Variants in ENPP3 observed in about 807,000 individuals in gnomAD.
ENPP3 encodes the protein ectonucleotide pyrophosphatase/phosphodiesterase 3, also known as ectonucleotide pyrophosphatase/phosphodiesterase family member 3.
Under a neutral mutation model 117.8 loss-of-function variants are expected in ENPP3, and 104 were observed. That is an observed-to-expected ratio of 0.88 (90% confidence interval 0.75 to 1.04). The LOEUF (loss-of-function observed/expected upper bound fraction) is 1.04, where lower values mean the gene tolerates loss of function less well. ENPP3 is among the 50% of genes least tolerant of loss of function. The probability of loss-of-function intolerance (pLI) is 0.00; values close to 1 mark genes in which losing one functional copy is unlikely to be tolerated. For missense variants in ENPP3, 1,026 were observed against 1,051.9 expected (o/e 0.98, Z 0.34); for synonymous variants, 380 against 349.9 (o/e 1.09, Z -0.96).
At position 131,646,711 on chromosome 6, in the gene ENPP3, C is replaced by A. The variant is rs543221830; in HGVS notation, c.155-3316C>A. On this transcript the variant is annotated intron_variant, in intron 2 of 24. Transcript: ENST00000357639. ...TTCTTACCTAACGACACCCTGGGAC[C>A]TCCCTTCTAGGGTCCTAGGGGAAAG... Among the ~76,000 whole-genome samples, 9 of 150,054 alleles carry A rather than the reference C, an allele frequency of 6.0e-5. No homozygotes were observed. In the East Asian group the frequency reaches 1.8e-3, roughly 29 times the overall value.
chr6:131,667,134 T>A (rs1046242432), intron 6 of ENPP3, among the ~76,000 whole-genome samples: 3 of 151,388 alleles, frequency 2.0e-5, no homozygotes, highest in African/African-American at 7.4e-5. Flanking sequence ...TCGTGGGGCT[T>A]TTTTTTTCTT....
chr6:131,667,724 G>A (rs1299040382), intron 6 of ENPP3, among the ~76,000 whole-genome samples: 1 of 152,198 alleles, frequency 6.6e-6, no homozygotes, highest in Non-Finnish European at 1.5e-5. Context: ...TGTTATACTT[G>A]CCTGGTAAGC....
intron 6 of ENPP3, among the ~76,000 whole-genome samples, chr6:131,670,762 G>T (rs2114373339): frequency 6.6e-6 from 1 of 152,306 alleles, no homozygotes; most frequent in Admixed American, 6.5e-5. Flanking sequence ...AAAGTGCTGA[G>T]ATTACAGGTG....
chr6:131,726,280 T>C, intron 20 of ENPP3, 80 bp downstream of exon 20: 1 of 1,339,416 alleles, frequency 7.5e-7, no homozygotes, highest in South Asian at 1.3e-5. Context: ...AATTTTGTTT[T>C]GCAGCAGAGA....
At chr6:131,743,393 T>C (rs1486396014) in intron 24 of ENPP3, among the ~76,000 whole-genome samples, 1 of 152,156 alleles carries the variant, frequency 6.6e-6, no homozygotes, top group Non-Finnish European at 1.5e-5. Context: ...TCATCTATTA[T>C]ATCTAATAAG....
At position 131,643,942 on chromosome 6, in the gene ENPP3, T is replaced by A. The variant is rs992141079; in HGVS notation, c.154+2412T>A. On this transcript the variant is annotated intron_variant, in intron 2 of 24. Transcript: ENST00000357639. ...GGTCGTCTGTGTGTGTGTGTGTGTG[T>A]CTGTGTGTGTGTGTGTGTGTGTGTG... Among the ~76,000 whole-genome samples, 11 of 138,512 alleles carry A rather than the reference T, an allele frequency of 7.9e-5. No individual in the cohort carries two copies. In the East Asian group the frequency reaches 8.1e-4, roughly 10 times the overall value. The allele number at this position is 138,512 out of a possible 152,430, so 90.9% of individuals were successfully genotyped here.
At chr6:131,689,662 T>G (rs1427111226) in intron 14 of ENPP3, among the ~76,000 whole-genome samples, 1 of 152,200 alleles carries the variant, frequency 6.6e-6, no homozygotes, top group Non-Finnish European at 1.5e-5. Context: ...AGGCCATGGA[T>G]CAAGGAGCAA....
chr6:131,642,274 C>G (rs1292075557), intron 2 of ENPP3, among the ~76,000 whole-genome samples: 1 of 152,064 alleles, frequency 6.6e-6, no homozygotes, highest in Non-Finnish European at 1.5e-5. Flanking sequence ...TAGAGTTGTT[C>G]TACCCCTAAA....
At position 131,677,490 on chromosome 6, in the gene ENPP3, C is replaced by T. The variant is rs115815018; in HGVS notation, c.939-378C>T. Among the ~76,000 whole-genome samples, 807 of 152,158 alleles carry T rather than the reference C, an allele frequency of 5.3e-3. 5 individuals are homozygous for T. The highest frequency in any genetic ancestry group is 0.019 in the African/African-American group (769 of 41,510). ...AGTGAGGGAAGGCTAATCAGGAGCT[C>T]CAGGTAAACAGTGCATCAGAAACCA... is the stretch of plus-strand genomic sequence containing the variant. On this transcript the variant is annotated intron_variant, in intron 10 of 24. Transcript: ENST00000357639.
At position 131,675,169 on chromosome 6, in the gene ENPP3, C is replaced by G; in HGVS notation, c.852C>G (p.Ser284=). The G allele has an allele frequency of 6.2e-7, 1 of 1,603,358 alleles. No homozygotes were observed. The highest frequency in any genetic ancestry group is 8.5e-7 in the Non-Finnish European group (1 of 1,170,330). ...SEVAINGSFP[S]IYMPYNGSVP... Reference sequence around the variant, plus strand: ...TGGCTATAAATGGCTCCTTTCCTTCCATATACATGCCTTACAACGGGTAGT... The same window carrying G: ...TGGCTATAAATGGCTCCTTTCCTTCGATATACATGCCTTACAACGGGTAGT... Residue 284 remains serine (S), a synonymous_variant, in exon 9 of 25, where the codon TCC becomes TCG. Coordinates refer to ENST00000357639, the MANE Select transcript of ENPP3 (RefSeq NM_005021.5).
intron 15 of ENPP3, among the ~76,000 whole-genome samples, chr6:131,717,349 GGGGTGTGTGTGTGTGTGTGTGTGTGT>G (rs1183035007): frequency 2.4e-5 from 3 of 127,028 alleles, no homozygotes; most frequent in East Asian, 2.2e-4. Flanking sequence ...AACCCTGCGG[GGGGTGTGTGTGTGTGTGTGTGTGTGT>G]GTGTGTGTGT....
At position 131,734,242 on chromosome 6, in the gene ENPP3, C is replaced by T. The variant is rs77882982; in HGVS notation, c.2089+519C>T. Reference sequence around the variant, plus strand: ...CTGTAGGGCTAACAGTTTTAAACTGCAGGTGAAGTAGCCAAATGAAATTTA... The same window carrying T: ...CTGTAGGGCTAACAGTTTTAAACTGTAGGTGAAGTAGCCAAATGAAATTTA... On this transcript the variant is annotated intron_variant, in intron 21 of 24. Transcript: ENST00000357639. Among the ~76,000 whole-genome samples, 983 of 152,278 alleles carry T rather than the reference C, an allele frequency of 6.5e-3. 6 individuals carry two copies. Among genetic ancestry groups the T allele is most frequent in the African/African-American group, 0.022 (920 of 41,558 alleles).
chr6:131,674,057 A>G (rs1389649870), intron 7 of ENPP3, 105 bp from the exon 8 acceptor site: 10 of 682,962 alleles, frequency 1.5e-5, no homozygotes, highest in Admixed American at 2.7e-5. Flanking sequence ...TGAAAGGTAT[A>G]TAGTACCTTT....
At chr6:131,709,648 G>A in intron 15 of ENPP3, 3 of 1,611,928 alleles carry the variant, frequency 1.9e-6, no homozygotes, top group Non-Finnish European at 2.5e-6. Flanking sequence ...TTTCTCGTAG[G>A]AAATAACCTG....
rs531452663 is a variant in ENPP3 at position 131,680,816 on chromosome 6, G to A, written c.1012-2238G>A. On this transcript the variant is annotated intron_variant, in intron 11 of 24. Coordinates refer to ENST00000357639, the MANE Select transcript of ENPP3 (RefSeq NM_005021.5). The stretch of plus-strand genomic sequence containing the variant: ...ATTTCTTGTTTCTTTCCTTTGGTTG[G>A]GTGAGAGTTGGGAACTGGCATTTCA... Among the ~76,000 whole-genome samples the A allele has an allele frequency of 3.3e-5, 5 of 152,248 alleles. 1 individual carries two copies. The South Asian group carries it at 1.0e-3, about 32-fold the overall frequency.
intron 23 of ENPP3, among the ~76,000 whole-genome samples, chr6:131,738,446 A>T (rs995832311): frequency 6.6e-6 from 1 of 152,130 alleles, no homozygotes; most frequent in Non-Finnish European, 1.5e-5. Flanking sequence ...GTAAAGGCTA[A>T]GGAGGTAGAC....
intron 18 of ENPP3, among the ~76,000 whole-genome samples, chr6:131,723,762 TC>T (rs1336516719): frequency 6.6e-6 from 1 of 151,398 alleles, no homozygotes; most frequent in African/African-American, 2.4e-5. Flanking sequence ...CCAGCAGTAA[TC>T]AGAATGCTTT....
chr6:131,651,065 G>A (rs1008161960), intron 3 of ENPP3, among the ~76,000 whole-genome samples: 9 of 152,188 alleles, frequency 5.9e-5, no homozygotes, highest in Admixed American at 5.9e-4. Flanking sequence ...GACTACAGGA[G>A]TGCACTACCA....
At chr6:131,731,285 T>C (rs1780274474) in intron 20 of ENPP3, among the ~76,000 whole-genome samples, 1 of 152,216 alleles carries the variant, frequency 6.6e-6, no homozygotes, top group African/African-American at 2.4e-5. Flanking sequence ...CTAAACTATA[T>C]GGCTGGGTCT....
Sources: allele counts gnomAD v4.1 joint callset (sites outside exome capture counted in the v4.1 genomes callset), GRCh38; gene constraint gnomAD v4.1.1; transcripts MANE v1.5; gene names NCBI Gene and HGNC (gene_info 2026-07-23, HGNC 2026-07-21).